HECTD4: variants seen among roughly 807,000 people sequenced by gnomAD.
The protein encoded by HECTD4 is HECT domain E3 ubiquitin protein ligase 4, also known as probable E3 ubiquitin-protein ligase HECTD4.
HECTD4 carries 114 observed loss-of-function variants against 471.5 expected under a neutral mutation model. The observed-to-expected ratio is 0.24, with a 90% CI of 0.21 to 0.28. The LOEUF is 0.28. Among genes scored for constraint, HECTD4 ranks in the 10% least tolerant of loss-of-function variants. The pLI, the probability that HECTD4 is intolerant of heterozygous loss-of-function variation, is 1.00. For missense variants in HECTD4, 3,866 were observed against 5,651.5 expected, an observed-to-expected ratio of 0.68 and a Z score of 10.13; for synonymous variants, 2,012 against 2,256.0, an observed-to-expected ratio of 0.89 and a Z score of 3.07.
chr12:112,359,445 A>G (rs952705366), intron 1 of HECTD4, among the ~76,000 whole-genome samples: 2 of 152,140 alleles, frequency 1.3e-5, no homozygotes, highest in African/African-American at 4.8e-5. Flanking sequence ...TTTGAGACGG[A>G]GTCTCACTCT....
Position 112,382,383 on chromosome 12 carries a change from G to A in HECTD4, c.-255C>T. The A allele has an allele frequency of 2.9e-6, 1 of 348,912 alleles. No homozygotes were observed. Among genetic ancestry groups the A allele is most frequent in the South Asian group, 5.0e-5 (1 of 19,926 alleles). The allele number at this position is 348,912 out of a possible 1,614,324, so 21.6% of individuals were successfully genotyped here. ...GCCCTCAGGAGCAGGATCCGCCTCT[G>A]CCGCTCGGCAACCAACTGTCAGTGA... On this transcript the variant is annotated 5_prime_UTR_variant, in exon 1 of 76. Transcript: ENST00000682272.
intron 44 of HECTD4, among the ~76,000 whole-genome samples, chr12:112,220,983 G>A (rs1375360639): frequency 1.3e-5 from 2 of 152,040 alleles, no homozygotes; most frequent in African/African-American, 4.8e-5. Context: ...AAGGTCTCTC[G>A]CTCTGTTGCC....
chr12:112,175,652 G>A (rs1005138164), intron 66 of HECTD4, 84 bp downstream of exon 66: 35 of 1,466,472 alleles, frequency 2.4e-5, no homozygotes, highest in African/African-American at 2.1e-4. Context: ...CAGGGGAGAC[G>A]GATCAGCTCC....
intron 1 of HECTD4, among the ~76,000 whole-genome samples, chr12:112,365,445 T>A (rs1024939781): frequency 2.6e-5 from 4 of 152,154 alleles, no homozygotes; most frequent in Non-Finnish European, 2.9e-5. Context: ...TGAGTTCTTT[T>A]AAAATTTTTT....
intron 7 of HECTD4, among the ~76,000 whole-genome samples, chr12:112,287,911 T>C (rs1054343648): frequency 1.3e-5 from 2 of 152,204 alleles, no homozygotes; most frequent in Non-Finnish European, 2.9e-5. Flanking sequence ...TGTTGCTCCA[T>C]GTGGGTAGAC....
chr12:112,261,333 T>C lies in HECTD4; in HGVS notation c.2845A>G (p.Asn949Asp). 1 of 1,608,726 alleles carries C rather than the reference T, an allele frequency of 6.2e-7. No homozygotes were observed. Among genetic ancestry groups the C allele is most frequent in the Non-Finnish European group, 8.5e-7 (1 of 1,175,486 alleles). ...TGCTCACGGTCTGCTATGTCACTAT[T>C]TATGAGGGCAGTTGTGACCTGCTGT... Reference protein sequence around the residue: ...MLQQVTTALINSDIADREQRL... With the variant: ...MLQQVTTALIDSDIADREQRL... The change falls in exon 18 of 76, where the codon AAT becomes GAT. Residue 949 changes from asparagine (N) to aspartate (D), a missense_variant. This residue lies in a region of HECTD4 where 525 missense variants were observed against 672.6 expected (regional missense o/e 0.78). Transcript: ENST00000682272.
rs993163524 is a variant in HECTD4, at chr12:112,319,073, C to T, written c.695+152G>A. On this transcript the variant is annotated intron_variant, in intron 2 of 75. Coordinates refer to ENST00000682272, the MANE Select transcript of HECTD4 (RefSeq NM_001388303.1). This position sits in a 1 kb window ranked among gnomAD's most constrained non-coding sequence, Gnocchi z 5.3. Reference sequence around the variant, plus strand: ...CCAAGTTTGGTGAAAGCATCTCATGCACTGTCAAGGCTGTGAAATTCAATA... The same window carrying T: ...CCAAGTTTGGTGAAAGCATCTCATGTACTGTCAAGGCTGTGAAATTCAATA... Among the ~76,000 whole-genome samples, 4 of 152,346 alleles carry T rather than the reference C, an allele frequency of 2.6e-5. No individual in the cohort carries two copies. The highest frequency in any genetic ancestry group is 7.2e-5 in the African/African-American group (3 of 41,580).
At chr12:112,190,277 C>T (rs1279044690) in intron 60 of HECTD4, among the ~76,000 whole-genome samples, 1 of 152,174 alleles carries the variant, frequency 6.6e-6, no homozygotes, top group African/African-American at 2.4e-5. Context: ...CAGTATGCTT[C>T]ATCCCTAAAC....
At chr12:112,219,532 A>C in intron 44 of HECTD4, 43 bp from the exon 45 acceptor site, 1 of 1,387,400 alleles carries the variant, frequency 7.2e-7, no homozygotes, top group African/African-American at 1.4e-5. Context: ...AACTCCCGCA[A>C]CTCCCAAGTG....
intron 1 of HECTD4, among the ~76,000 whole-genome samples, chr12:112,362,882 A>T (rs1240360410): frequency 6.6e-6 from 1 of 151,994 alleles, no homozygotes; most frequent in Non-Finnish European, 1.5e-5. Flanking sequence ...TTGTATATTT[A>T]GTAGAGACGG....
intron 2 of HECTD4, among the ~76,000 whole-genome samples, chr12:112,316,322 G>A (rs1432299642): frequency 1.3e-5 from 2 of 152,166 alleles, no homozygotes; most frequent in African/African-American, 4.8e-5. Flanking sequence ...GGCATCTCCA[G>A]CTAATGCTGC....
intron 7 of HECTD4, among the ~76,000 whole-genome samples, chr12:112,284,306 C>T (rs1268182502): frequency 1.3e-5 from 2 of 152,174 alleles, no homozygotes; most frequent in Non-Finnish European, 2.9e-5. Context: ...TCTCTCATGG[C>T]CCCTTTCTAG....
At position 112,247,036 on chromosome 12, in the gene HECTD4, G is replaced by C. The variant is rs2033778788; in HGVS notation, c.4378C>G (p.Pro1460Ala). The C allele has an allele frequency of 6.2e-7, 1 of 1,610,002 alleles. No individual in the cohort carries two copies. ...TTTGTTTTAGCCAGTGGGTGTGAGG[G>C]TTTCTGAATAAGAGAATTCACTTCT... ...LQEVNSLIQK[P>A]SHPLAKTKTL... is the part of the protein sequence containing the mutation. The change falls in exon 29 of 76, where the codon CCC (proline) becomes GCC (alanine). Residue 1460 changes from proline to alanine, a missense_variant. Transcript: ENST00000682272.
chr12:112,351,779 C>T (rs542284282), intron 1 of HECTD4, among the ~76,000 whole-genome samples: 55 of 152,296 alleles, frequency 3.6e-4, no homozygotes, highest in Admixed American at 1.2e-3. Flanking sequence ...CCAAGGATGG[C>T]ATAAGTACCT....
At chr12:112,291,853 C>A (rs2034895312) in intron 7 of HECTD4, among the ~76,000 whole-genome samples, 1 of 152,044 alleles carries the variant, frequency 6.6e-6, no homozygotes. Context: ...GCCTGGGTGA[C>A]AGAGTGAGTC....
intron 22 of HECTD4, among the ~76,000 whole-genome samples, chr12:112,253,661 C>G (rs1173806667): frequency 6.6e-6 from 1 of 152,186 alleles, no homozygotes; most frequent in Non-Finnish European, 1.5e-5. Context: ...TCCAAAGGCC[C>G]AAATTCATCT....
Position 112,296,339 on chromosome 12 carries a change from T to G in HECTD4, c.1335+9725A>C, listed in dbSNP as rs1397752427. On this transcript the variant is annotated intron_variant, in intron 7 of 75. Transcript: ENST00000682272. ...GCAGAGGGTGTAGGTGCAGTGGATG[T>G]GGGTGCAGAGGGTATAGGCGCAGCA... 2.0e-5 allele frequency among the ~76,000 whole-genome samples: 3 copies of G among 148,280 alleles called. No individual in the cohort carries two copies. In the East Asian group the frequency reaches 6.0e-4, roughly 30 times the overall value.
intron 1 of HECTD4, among the ~76,000 whole-genome samples, chr12:112,342,522 G>C (rs1448168620): frequency 1.3e-5 from 2 of 152,042 alleles, no homozygotes; most frequent in African/African-American, 4.8e-5. Flanking sequence ...ACCTTTCTTT[G>C]GAACCTATAA....
rs756878737 is a variant in HECTD4, at chr12:112,178,927, G to A, written c.11363+4C>T. On this transcript the variant is annotated splice_donor_region_variant and intron_variant, in intron 64 of 75. Coordinates refer to ENST00000682272, the MANE Select transcript of HECTD4 (RefSeq NM_001388303.1). ...GGGCTGCCCAGGCTCCTTGGGGCAC[G>A]CACCTGACGCTGTTGAGCACAGCCT... 6.9e-6 allele frequency: 11 copies of A among 1,603,770 alleles called. No homozygotes were observed. In the East Asian group the frequency reaches 1.1e-4, roughly 16 times the overall value.
Sources: allele counts gnomAD v4.1 joint callset (sites outside exome capture counted in the v4.1 genomes callset), GRCh38; gene constraint gnomAD v4.1.1; regional missense constraint gnomAD v4.1.1; non-coding constraint Gnocchi (gnomAD v3.1); transcripts MANE v1.5; gene names NCBI Gene and HGNC (gene_info 2026-07-23, HGNC 2026-07-21).